The following CCDC191 variants were observed in gnomAD, a reference collection of about 807,000 sequenced individuals.
CCDC191 encodes coiled-coil domain-containing protein 191.
A neutral mutation model predicts 114.0 loss-of-function variants in CCDC191; 99 were observed. That is an observed-to-expected ratio of 0.87 (90% CI 0.74 to 1.03). CCDC191 has a LOEUF of 1.03. Among genes scored for constraint, CCDC191 ranks in the 50% least tolerant of loss-of-function variants. CCDC191 has a pLI of 0.00. For missense variants in CCDC191, 973 were observed against 1,087.0 expected (o/e 0.90, Z 1.47); for synonymous variants, 351 against 376.0 (o/e 0.93, Z 0.77).
chr3:114,006,793 C>A (rs557428685), intron 9 of CCDC191, among the ~76,000 whole-genome samples: 1 of 151,806 alleles, frequency 6.6e-6, no homozygotes, highest in African/African-American at 2.4e-5. Flanking sequence ...CAATGCCTCT[C>A]CTGACACTAG....
chr3:114,011,524 T>G (rs763808155), intron 8 of CCDC191, among the ~76,000 whole-genome samples: 1 of 152,158 alleles, frequency 6.6e-6, no homozygotes, highest in Non-Finnish European at 1.5e-5. Context: ...ACACTGAGGG[T>G]TGATCTTGTG....
intron 9 of CCDC191, among the ~76,000 whole-genome samples, chr3:114,006,448 C>CA (rs920650955): frequency 2.1e-4 from 30 of 143,780 alleles, no homozygotes; most frequent in Non-Finnish European, 2.9e-4. Context: ...GACCCTGGCT[C>CA]AAAAAAAAAG....
chr3:114,034,541 T>A (rs944231716), intron 6 of CCDC191, among the ~76,000 whole-genome samples: 3 of 152,214 alleles, frequency 2.0e-5, no homozygotes, highest in Non-Finnish European at 2.9e-5. Context: ...TGCTTAAAGA[T>A]GCTCATTGCA....
At chr3:114,034,849 C>G in intron 6 of CCDC191, 76 bp downstream of exon 6, 2 of 1,243,250 alleles carry the variant, frequency 1.6e-6, no homozygotes, top group Non-Finnish European at 2.3e-6. Flanking sequence ...TGTTTGTGCA[C>G]TTCAAAAACT....
At chr3:113,983,325 TC>T (rs1158137038) in intron 13 of CCDC191, among the ~76,000 whole-genome samples, 1 of 152,154 alleles carries the variant, frequency 6.6e-6, no homozygotes, top group African/African-American at 2.4e-5. Flanking sequence ...CCAGACAATC[TC>T]CCAAGCTGAT....
intron 13 of CCDC191, among the ~76,000 whole-genome samples, chr3:113,996,012 T>A (rs1226415594): frequency 2.6e-5 from 4 of 152,226 alleles, no homozygotes; most frequent in African/African-American, 9.6e-5. Context: ...TCTTTATAGA[T>A]TCTGGATATT....
rs557276710 is a variant in CCDC191 at position 114,002,360 on chromosome 3, T to C, written c.2061+96A>G. ...ATTTCCAAAGTTGATGTAACTCTAT[T>C]GTCTCAGGAGTTCTGAAAAAGCAAG... On this transcript the variant is annotated intron_variant, in intron 12 of 16. Transcript: ENST00000295878. 3.3e-4 allele frequency: 274 copies of C among 818,538 alleles called. 3 individuals carry two copies. In the South Asian group the frequency reaches 5.2e-3, roughly 15 times the overall value. The allele number at this position is 818,538 out of a possible 1,614,324, so 50.7% of individuals were successfully genotyped here.
intron 7 of CCDC191, among the ~76,000 whole-genome samples, chr3:114,024,382 T>C (rs1423274396): frequency 6.6e-6 from 1 of 152,214 alleles, no homozygotes; most frequent in Non-Finnish European, 1.5e-5. Flanking sequence ...ATCATGCTGC[T>C]ATAAAGACAC....
In CCDC191 at chr3:113,989,776, A is replaced by C. The variant is rs188539414; in HGVS notation, c.2164-8983T>G. Among the ~76,000 whole-genome samples the C allele has an allele frequency of 5.2e-3, 785 of 152,290 alleles. 8 individuals carry two copies. The highest frequency in any genetic ancestry group is 0.018 in the African/African-American group (750 of 41,566). ...CAAGGTGGGAGGATCTCTTGAGCCCAGGAAATTAAGACCAGCCTGGACAAC... is the reference window on the plus strand; with the variant it reads ...CAAGGTGGGAGGATCTCTTGAGCCCCGGAAATTAAGACCAGCCTGGACAAC... On this transcript the variant is annotated intron_variant, in intron 13 of 16. Transcript: ENST00000295878.
intron 13 of CCDC191, chr3:113,983,895 G>A (rs2075262579): frequency 6.6e-6 from 1 of 152,126 alleles, no homozygotes; most frequent in African/African-American, 2.4e-5. Context: ...TAAACATACA[G>A]GGGGGTGTTA....
intron 9 of CCDC191, among the ~76,000 whole-genome samples, chr3:114,006,617 T>TATATATATATATATAA (rs1482068610): frequency 4.1e-4 from 49 of 118,416 alleles, no homozygotes; most frequent in African/African-American, 1.7e-3. Context: ...TATATATATA[T>TATATATATATATATAA]AAATATATAT....
In CCDC191 at chr3:114,041,823, G is replaced by T. The variant is rs142911075; in HGVS notation, c.415+880C>A. ...GGAAAAAATACTCAGACCCTTGAGT[G>T]TATTAGATAAATCCTTACACGTCAG... On this transcript the variant is annotated intron_variant, in intron 4 of 16. Coordinates refer to ENST00000295878, the MANE Select transcript of CCDC191 (RefSeq NM_020817.2). 2.0e-3 allele frequency among the ~76,000 whole-genome samples: 310 copies of T among 152,242 alleles called. 2 individuals carry two copies. Among genetic ancestry groups the T allele is most frequent in the African/African-American group, 6.8e-3 (282 of 41,532 alleles).
chr3:114,051,420 T>C (rs1480626919), intron 2 of CCDC191, among the ~76,000 whole-genome samples: 1 of 152,186 alleles, frequency 6.6e-6, no homozygotes, highest in Non-Finnish European at 1.5e-5. Flanking sequence ...CTGATCTACC[T>C]ATTTTTAGTA....
intron 4 of CCDC191, among the ~76,000 whole-genome samples, chr3:114,038,934 C>T (rs2076523977): frequency 6.6e-6 from 1 of 152,036 alleles, no homozygotes; most frequent in South Asian, 2.1e-4. Context: ...GGGCTTAATA[C>T]CTAGGTGATG....
At chr3:114,012,838 G>A (rs1364028622) in intron 8 of CCDC191, among the ~76,000 whole-genome samples, 1 of 152,136 alleles carries the variant, frequency 6.6e-6, no homozygotes, top group Non-Finnish European at 1.5e-5. Flanking sequence ...TTATGAAAAG[G>A]CAAAGAGAGA....
intron 16 of CCDC191, among the ~76,000 whole-genome samples, chr3:113,971,439 A>T (rs1396426237): frequency 1.3e-5 from 2 of 152,120 alleles, no homozygotes; most frequent in African/African-American, 4.8e-5. Flanking sequence ...AAATAATTAT[A>T]TGGCTTTTGT....
chr3:114,007,936 C>T (rs1323253572), intron 9 of CCDC191, among the ~76,000 whole-genome samples: 1 of 151,138 alleles, frequency 6.6e-6, no homozygotes, highest in Non-Finnish European at 1.5e-5. Flanking sequence ...TTATCATTTG[C>T]TCCATTTTTA....
At position 114,018,684 on chromosome 3, in the gene CCDC191, T is replaced by C. The variant is rs2076200115; in HGVS notation, c.1157A>G (p.Glu386Gly). ...ACAATACAAATAATGATACCTGTTT[T>C]CTTCCCTAAGATCATTTTCCAAGGC... is the stretch of plus-strand genomic sequence containing the variant. Reference protein sequence around the residue: ...TQALENDLREENRKQQLATEY... With the variant: ...TQALENDLREGNRKQQLATEY... Residue 386 changes from glutamate (E) to glycine (G), a missense_variant, in exon 8 of 17, where the codon GAA (glutamate) becomes GGA (glycine). By Grantham distance (98) the Glu-to-Gly change is moderately conservative. Coordinates refer to ENST00000295878, the MANE Select transcript of CCDC191 (RefSeq NM_020817.2). 6.2e-7 allele frequency: 1 copy of C among 1,609,304 alleles called. No homozygotes were observed. Among genetic ancestry groups the C allele is most frequent in the Admixed American group, 1.7e-5 (1 of 59,182 alleles).
At chr3:114,038,849 G>C (rs1030850613) in intron 4 of CCDC191, among the ~76,000 whole-genome samples, 2 of 152,104 alleles carry the variant, frequency 1.3e-5, no homozygotes, top group Admixed American at 6.6e-5. Context: ...ACATGGACAC[G>C]TTGGGAAGAA....
Sources: gnomAD v4.1 joint callset for allele counts (sites outside exome capture counted in the v4.1 genomes callset) on GRCh38, gnomAD v4.1.1 for gene constraint, MANE v1.5 for transcripts, NCBI Gene and HGNC (gene_info 2026-07-23, HGNC 2026-07-21) for gene names.